COL6A6: variants seen among roughly 807,000 people sequenced by gnomAD.
COL6A6 encodes the protein collagen type VI alpha 6 chain.
In COL6A6, 183 loss-of-function variants were observed where a neutral mutation model predicts 208.6. That is an observed-to-expected ratio of 0.88 (90% confidence interval 0.78 to 0.99). The LOEUF is 0.99. COL6A6 is among the 50% of genes least tolerant of loss of function. The pLI is 0.00. For missense variants in COL6A6, 2,816 were observed against 2,815.2 expected (o/e 1.00, Z -0.01); for synonymous variants, 973 against 1,011.8 (o/e 0.96, Z 0.73).
intron 10 of COL6A6, among the ~76,000 whole-genome samples, chr3:130,582,908 C>G (rs2063458174): frequency 6.6e-6 from 1 of 152,200 alleles, no homozygotes. Flanking sequence ...CTAAATGACA[C>G]CAGTGGTGTG....
rs529822534 is a variant in COL6A6 at position 130,572,399 on chromosome 3, AAGATACTAAATGTTTTTACT to A, written c.2977+1011_2977+1030del. Among the ~76,000 whole-genome samples, 1,004 of 152,326 alleles carry A rather than the reference AAGATACTAAATGTTTTTACT, an allele frequency of 6.6e-3. 5 individuals are homozygous for A. Among genetic ancestry groups the A allele is most frequent in the African/African-American group, 0.022 (904 of 41,566 alleles). On this transcript the variant is annotated intron_variant, in intron 7 of 36. Coordinates refer to ENST00000358511, the MANE Select transcript of COL6A6 (RefSeq NM_001102608.3). ...AATTTTCCCAAGATGTATTTTACTA[AAGATACTAAATGTTTTTACT>A]AGATGAATTGCTATTAATTCATGAT...
At position 130,564,894 on chromosome 3, in the gene COL6A6, C is replaced by T. The variant is rs191646766; in HGVS notation, c.662-100C>T. The T allele has an allele frequency of 4.3e-5, 57 of 1,312,678 alleles. No individual in the cohort carries two copies. The African/African-American group carries it at 7.4e-4, about 17-fold the overall frequency. 81.3% of individuals were successfully genotyped at this position (1,312,678 alleles called of 1,614,324 possible). ...ATTTGTCTACCTCCTTCTCTAAGTG[C>T]ATAACTGAGCTCTGCTGTATGGTCT... On this transcript the variant is annotated intron_variant, in intron 3 of 36. Transcript: ENST00000358511.
At chr3:130,651,724 T>C (rs769723340) in intron 33 of COL6A6, among the ~76,000 whole-genome samples, 3 of 152,206 alleles carry the variant, frequency 2.0e-5, no homozygotes, top group Non-Finnish European at 2.9e-5. Flanking sequence ...TTTGGTTACA[T>C]AGTCCTTGTA....
At chr3:130,570,662 G>A (rs1287198505) in intron 6 of COL6A6, among the ~76,000 whole-genome samples, 156 bp from the exon 7 acceptor site, 1 of 152,146 alleles carries the variant, frequency 6.6e-6, no homozygotes, top group Non-Finnish European at 1.5e-5. Context: ...CAGCACCAAT[G>A]TATGTGTATT....
At position 130,642,435 on chromosome 3, in the gene COL6A6, C is replaced by T. The variant is rs117268478; in HGVS notation, c.5155-397C>T. Among the ~76,000 whole-genome samples, 732 of 152,228 alleles carry T rather than the reference C, an allele frequency of 4.8e-3. 7 individuals carry two copies. Among genetic ancestry groups the T allele is most frequent in the Admixed American group, 0.021 (315 of 15,286 alleles). On this transcript the variant is annotated intron_variant, in intron 29 of 36. Transcript: ENST00000358511. Reference sequence around the variant, plus strand: ...TCAGTCAAAGAATGGGGGTTGAAGACCTTGAAACTTCTGCTATGAAAGAGG... The same window carrying T: ...TCAGTCAAAGAATGGGGGTTGAAGATCTTGAAACTTCTGCTATGAAAGAGG...
intron 28 of COL6A6, among the ~76,000 whole-genome samples, chr3:130,636,222 C>T (rs954103730): frequency 1.3e-5 from 2 of 150,194 alleles, no homozygotes; most frequent in Non-Finnish European, 2.9e-5. Flanking sequence ...ATCTCTTGAG[C>T]TTTGTGAGAA....
rs146929530 is a variant in COL6A6 at position 130,608,510 on chromosome 3, TATA to T, written c.4690-390_4690-388del. Among the ~76,000 whole-genome samples, 1,217 of 152,256 alleles carry T rather than the reference TATA, an allele frequency of 8.0e-3. 27 individuals carry two copies. Among genetic ancestry groups the T allele is most frequent in the Admixed American group, 0.05 (761 of 15,302 alleles). On this transcript the variant is annotated intron_variant, in intron 21 of 36. Transcript: ENST00000358511. ...TCCCTAGATATTTAATTGATTTGAA[TATA>T]AATATTAATATAATCGTGTAAGATG...
chr3:130,556,674 C>T (rs2062774151), intron 1 of COL6A6, among the ~76,000 whole-genome samples: 1 of 151,892 alleles, frequency 6.6e-6, no homozygotes, highest in South Asian at 2.1e-4. Context: ...GTATCTATTT[C>T]TTAGATTTAT....
chr3:130,537,445 T>C (rs1247901826), intron 1 of COL6A6, among the ~76,000 whole-genome samples: 2 of 152,218 alleles, frequency 1.3e-5, no homozygotes, highest in African/African-American at 2.4e-5. Context: ...CCAGGGATCT[T>C]ATGAGTTTCT....
At chr3:130,562,416 T>C (rs6765142) in intron 2 of COL6A6, among the ~76,000 whole-genome samples, 10,064 of 152,290 alleles carry the variant, frequency 0.066, 1,013 homozygotes, top group African/African-American at 0.22. Flanking sequence ...AATTATAATA[T>C]AATGCTCATT....
At chr3:130,588,596 A>C (rs1344263635) in intron 11 of COL6A6, among the ~76,000 whole-genome samples, 1 of 152,182 alleles carries the variant, frequency 6.6e-6, no homozygotes, top group African/African-American at 2.4e-5. Context: ...GGAAGAGTTA[A>C]CCATTGGACT....
chr3:130,555,564 G>A (rs1322934700), intron 1 of COL6A6, among the ~76,000 whole-genome samples: 2 of 152,040 alleles, frequency 1.3e-5, no homozygotes. Context: ...TTAGCACCTA[G>A]GAATAAGAGT....
Position 130,606,950 on chromosome 3 carries a change from G to A in COL6A6, c.4673G>A (p.Gly1558Glu). Residue 1558 changes from glycine to glutamate, a missense_variant, in exon 21 of 37, where the codon GGA becomes GAA. Physicochemically the swap from Gly to Glu is moderately conservative, Grantham distance 98 (BLOSUM62 -2). Coordinates refer to ENST00000358511, the MANE Select transcript of COL6A6 (RefSeq NM_001102608.3). ...TTTTAGGCAGCTCATGGCAGAAGGG[G>A]ACATACAGGCCCACAGGTACAATGA... is the stretch of plus-strand genomic sequence containing the variant. ...RRKTAAHGRR[G>E]HTGPQGTAGI... 2 of 1,609,894 alleles carry A rather than the reference G, an allele frequency of 1.2e-6. No individual in the cohort carries two copies. Among genetic ancestry groups the A allele is most frequent in the Non-Finnish European group, 1.7e-6 (2 of 1,178,174 alleles).
chr3:130,548,809 A>T (rs2062579118), intron 1 of COL6A6, among the ~76,000 whole-genome samples: 1 of 152,200 alleles, frequency 6.6e-6, no homozygotes, highest in Non-Finnish European at 1.5e-5. Context: ...GGGTTCACAC[A>T]GATGGTTTAG....
intron 2 of COL6A6, among the ~76,000 whole-genome samples, chr3:130,561,142 G>A (rs367777786): frequency 2.2e-4 from 34 of 152,310 alleles, no homozygotes; most frequent in Admixed American, 1.8e-3. Flanking sequence ...TGGTTCAGAC[G>A]TAGTGATGGA....
At chr3:130,612,651 A>G (rs2064393767) in intron 23 of COL6A6, among the ~76,000 whole-genome samples, 1 of 152,160 alleles carries the variant, frequency 6.6e-6, no homozygotes, top group Non-Finnish European at 1.5e-5. Context: ...CACAGGGTTG[A>G]CAGCCTGGGC....
chr3:130,637,358 G>A (rs1178234862), intron 28 of COL6A6, among the ~76,000 whole-genome samples: 1 of 151,548 alleles, frequency 6.6e-6, no homozygotes, highest in East Asian at 2.0e-4. Flanking sequence ...ACGCTAACAA[G>A]TTCATGGTTG....
At chr3:130,627,434 A>T in intron 26 of COL6A6, 65 bp downstream of exon 26, 2 of 1,447,404 alleles carry the variant, frequency 1.4e-6, no homozygotes, top group Non-Finnish European at 9.7e-7. Flanking sequence ...TTTGTTTGCC[A>T]CATTTAAGAG....
Position 130,535,623 on chromosome 3 carries a change from C to G in COL6A6, c.-32+18226C>G, listed in dbSNP as rs72992216. 5.0e-3 allele frequency among the ~76,000 whole-genome samples: 768 copies of G among 152,150 alleles called. 12 individuals carry two copies. Among genetic ancestry groups the G allele is most frequent in the African/African-American group, 0.017 (713 of 41,480 alleles). On this transcript the variant is annotated intron_variant, in intron 1 of 36. Coordinates refer to ENST00000358511, the MANE Select transcript of COL6A6 (RefSeq NM_001102608.3). The stretch of plus-strand genomic sequence containing the variant: ...TTTACGTGTTTGAGAGATTCCTATG[C>G]ACCTAAAGTGGTGAAAATGCCCCTA...
Sources: gnomAD v4.1 joint callset for allele counts (sites outside exome capture counted in the v4.1 genomes callset) on GRCh38, gnomAD v4.1.1 for gene constraint, MANE v1.5 for transcripts, NCBI Gene and HGNC (gene_info 2026-07-23, HGNC 2026-07-21) for gene names.